ZNRF2: variants seen among roughly 807,000 people sequenced by gnomAD.
The protein encoded by ZNRF2 is zinc and ring finger 2, also known as E3 ubiquitin-protein ligase ZNRF2.
Under a neutral mutation model 20.4 loss-of-function variants are expected in ZNRF2, and 16 were observed. The ratio of observed to expected loss-of-function variants is 0.79; its 90% CI spans 0.53 to 1.19. The LOEUF (loss-of-function observed/expected upper bound fraction) is 1.19, where lower values mean the gene tolerates loss of function less well. Among genes scored for constraint, ZNRF2 ranks in the 50% most tolerant of loss-of-function variants. The pLI, the probability that ZNRF2 is intolerant of heterozygous loss-of-function variation, is 0.00. For missense variants in ZNRF2, 363 were observed against 332.4 expected (o/e 1.09, Z -0.72); for synonymous variants, 178 against 144.9 (o/e 1.23, Z -1.64).
Position 30,285,293 on chromosome 7 carries a change from C to A in ZNRF2, c.-65C>A. On this transcript the variant is annotated 5_prime_UTR_variant, in exon 1 of 5. Coordinates refer to ENST00000323037, the MANE Select transcript of ZNRF2 (RefSeq NM_147128.4). Reference sequence around the variant, plus strand: ...CCTGGGCCCTGCCCTCTAGCTCCCGCGCTCGCTCCCGCCCTCCCGGCTCTC... The same window carrying A: ...CCTGGGCCCTGCCCTCTAGCTCCCGAGCTCGCTCCCGCCCTCCCGGCTCTC... 2 of 1,041,196 alleles carry A rather than the reference C, an allele frequency of 1.9e-6. No homozygotes were observed. Among genetic ancestry groups the A allele is most frequent in the African/African-American group, 1.7e-5 (1 of 57,954 alleles). 64.5% of individuals were successfully genotyped at this position (1,041,196 alleles called of 1,614,324 possible). A position where few individuals can be genotyped will look rare whatever the true frequency, so the allele number is the denominator to read the frequency against.
At chr7:30,302,690 A>G (rs899571977) in intron 1 of ZNRF2, among the ~76,000 whole-genome samples, 2 of 152,124 alleles carry the variant, frequency 1.3e-5, no homozygotes, top group South Asian at 2.1e-4. Context: ...TTTATTTTCT[A>G]TGGTAACACA....
chr7:30,364,246 G>A (rs571419161), intron 4 of ZNRF2, among the ~76,000 whole-genome samples: 103 of 152,314 alleles, frequency 6.8e-4, no homozygotes, highest in Non-Finnish European at 1.2e-3. Flanking sequence ...AACTGCAGTT[G>A]AGTGTCATAA....
intron 1 of ZNRF2, among the ~76,000 whole-genome samples, chr7:30,306,980 A>T (rs1303112502): frequency 6.6e-6 from 1 of 152,054 alleles, no homozygotes; most frequent in African/African-American, 2.4e-5. Flanking sequence ...TATCCTTAGT[A>T]TTGATTGGGT....
intron 1 of ZNRF2, among the ~76,000 whole-genome samples, chr7:30,303,317 G>GT (rs1489730203): frequency 1.3e-5 from 2 of 151,584 alleles, no homozygotes; most frequent in East Asian, 1.9e-4. Flanking sequence ...TTTTAATTCA[G>GT]TATCTCCCGA....
intron 2 of ZNRF2, among the ~76,000 whole-genome samples, chr7:30,344,313 TTATAACTG>T (rs756440610): frequency 2.0e-5 from 3 of 151,988 alleles, no homozygotes; most frequent in Non-Finnish European, 4.4e-5. Flanking sequence ...ATTGTATTTC[TTATAACTG>T]TATTTCTGTG....
chr7:30,308,879 T>A (rs1315962083), intron 1 of ZNRF2, among the ~76,000 whole-genome samples: 1 of 152,142 alleles, frequency 6.6e-6, no homozygotes, highest in Non-Finnish European at 1.5e-5. Context: ...CTAAAAATAT[T>A]ATTAGAAATC....
chr7:30,295,828 A>G (rs902385040), intron 1 of ZNRF2, among the ~76,000 whole-genome samples: 9 of 152,350 alleles, frequency 5.9e-5, no homozygotes, highest in Admixed American at 5.9e-4. Flanking sequence ...AAATTGAAAC[A>G]TCCAAGATTT....
At chr7:30,356,056 G>A (rs1800031409) in intron 3 of ZNRF2, among the ~76,000 whole-genome samples, 2 of 152,280 alleles carry the variant, frequency 1.3e-5, no homozygotes, top group South Asian at 4.1e-4. Flanking sequence ...TGACCCAGCT[G>A]TTGTCCATAG....
At chr7:30,336,901 T>C (rs1799723355) in intron 2 of ZNRF2, among the ~76,000 whole-genome samples, 1 of 152,170 alleles carries the variant, frequency 6.6e-6, no homozygotes, top group South Asian at 2.1e-4. Context: ...TATGTGTGTA[T>C]ATATGTATGT....
intron 2 of ZNRF2, among the ~76,000 whole-genome samples, chr7:30,345,450 A>G (rs1223446543): frequency 6.6e-6 from 1 of 151,936 alleles, no homozygotes; most frequent in Non-Finnish European, 1.5e-5. Flanking sequence ...TATTGAGGCT[A>G]GATAGTGGAT....
chr7:30,361,722 T>A (rs1051973208), intron 3 of ZNRF2, among the ~76,000 whole-genome samples: 7 of 152,356 alleles, frequency 4.6e-5, no homozygotes, highest in East Asian at 3.9e-4. Context: ...TGGATTTTTT[T>A]ATTTTATTTC....
At chr7:30,311,190 C>T (rs142408399) in intron 1 of ZNRF2, among the ~76,000 whole-genome samples, 10 of 152,248 alleles carry the variant, frequency 6.6e-5, no homozygotes, top group African/African-American at 2.4e-4. Flanking sequence ...GAACTTGGTG[C>T]CATTCCCCTT....
chr7:30,362,406 G>C lies in ZNRF2; in HGVS notation c.701G>C (p.Arg234Thr), dbSNP rs868322083. 1.3e-6 allele frequency: 2 copies of C among 1,596,194 alleles called. No individual in the cohort carries two copies. The highest frequency in any genetic ancestry group is 1.7e-6 in the Non-Finnish European group (2 of 1,168,582). ...ATAGATGAATGGTTTGAAGTAAATA[G>C]ATCTTGCCCTGAGCACCCTTCAGAT... The part of the protein sequence containing the change: ...GCIDEWFEVN[R>T]SCPEHPSD Residue 234 changes from arginine (R) to threonine (T), a missense_variant, in exon 4 of 5, where the codon AGA becomes ACA. Physicochemically the swap from Arg to Thr is moderately conservative, Grantham distance 71 (BLOSUM62 -1). Coordinates refer to ENST00000323037, the MANE Select transcript of ZNRF2 (RefSeq NM_147128.4).
intron 2 of ZNRF2, among the ~76,000 whole-genome samples, chr7:30,325,297 T>G (rs1307301434): frequency 6.6e-6 from 1 of 152,182 alleles, no homozygotes; most frequent in African/African-American, 2.4e-5. Context: ...GTAGAAAGGG[T>G]ACCAGTAAAC....
chr7:30,351,411 A>G (rs149872881), intron 2 of ZNRF2, among the ~76,000 whole-genome samples: 64 of 152,148 alleles, frequency 4.2e-4, no homozygotes, highest in Non-Finnish European at 6.6e-4. Context: ...CCATAGTTCT[A>G]TTGGACAGAG....
intron 1 of ZNRF2, among the ~76,000 whole-genome samples, chr7:30,299,429 A>G (rs1799072566): frequency 6.6e-6 from 1 of 152,126 alleles, no homozygotes; most frequent in Admixed American, 6.5e-5. Context: ...CAAAAAAAAA[A>G]AAAAAATCAG....
chr7:30,313,802 C>T (rs567361311), intron 1 of ZNRF2, among the ~76,000 whole-genome samples: 1 of 152,222 alleles, frequency 6.6e-6, no homozygotes, highest in South Asian at 2.1e-4. Flanking sequence ...CCCTCATTCA[C>T]TACCTTCCTC....
At chr7:30,321,740 T>G (rs1429268403) in intron 1 of ZNRF2, among the ~76,000 whole-genome samples, 1 of 152,188 alleles carries the variant, frequency 6.6e-6, no homozygotes, top group South Asian at 2.1e-4. Flanking sequence ...GGGAAGCAAA[T>G]TTTTTAAGTT....
intron 1 of ZNRF2, among the ~76,000 whole-genome samples, chr7:30,303,623 G>A (rs1475636300): frequency 6.6e-6 from 1 of 152,178 alleles, no homozygotes; most frequent in African/African-American, 2.4e-5. Flanking sequence ...CTGGAAAAAG[G>A]TATCTTTAAG....
Sources: gnomAD v4.1 joint callset for allele counts (sites outside exome capture counted in the v4.1 genomes callset) on GRCh38, gnomAD v4.1.1 for gene constraint, MANE v1.5 for transcripts, NCBI Gene and HGNC (gene_info 2026-07-23, HGNC 2026-07-21) for gene names.